The following SMCHD1 variants were observed in gnomAD, a reference collection of about 807,000 sequenced individuals.
The protein encoded by SMCHD1 is structural maintenance of chromosomes flexible hinge domain-containing protein 1.
Under a neutral mutation model 254.7 loss-of-function variants are expected in SMCHD1, and 78 were observed. The ratio of observed to expected loss-of-function variants is 0.31; its 90% CI spans 0.26 to 0.37. The LOEUF (loss-of-function observed/expected upper bound fraction) is 0.37. SMCHD1 is among the 10% of genes least tolerant of loss of function. The pLI is 1.00. For missense variants in SMCHD1, 1,840 were observed against 2,408.1 expected (o/e 0.76, Z 4.94); for synonymous variants, 766 against 794.9 (o/e 0.96, Z 0.61).
intron 41 of SMCHD1, 42 bp downstream of exon 41, chr18:2,772,414 T>C (rs1241697950): frequency 6.8e-7 from 1 of 1,463,640 alleles, no homozygotes; most frequent in Non-Finnish European, 9.0e-7. Flanking sequence ...TACATTTTAT[T>C]ATCTTGTTTG....
intron 1 of SMCHD1, among the ~76,000 whole-genome samples, chr18:2,662,829 A>T (rs1006945346): frequency 1.9e-4 from 29 of 152,222 alleles, no homozygotes; most frequent in African/African-American, 4.3e-4. Flanking sequence ...GTTTATGTTC[A>T]TGGCTTTATT....
At chr18:2,727,713 T>C (rs2075052976) in intron 22 of SMCHD1, among the ~76,000 whole-genome samples, 1 of 152,080 alleles carries the variant, frequency 6.6e-6, no homozygotes, top group African/African-American at 2.4e-5. Flanking sequence ...ATGATAATAG[T>C]AACGTCTTCA....
chr18:2,757,113 A>G (rs2075696278), intron 34 of SMCHD1, among the ~76,000 whole-genome samples: 2 of 152,204 alleles, frequency 1.3e-5, no homozygotes, highest in Admixed American at 1.3e-4. Flanking sequence ...GTATATGTGT[A>G]TATGTATGTA....
chr18:2,768,460 A>G (rs1054854936), intron 37 of SMCHD1, among the ~76,000 whole-genome samples: 2 of 152,064 alleles, frequency 1.3e-5, no homozygotes, highest in African/African-American at 4.8e-5. Flanking sequence ...CTTACCTTTT[A>G]AAATAAACTT....
At chr18:2,782,177 G>A (rs1387710848) in intron 44 of SMCHD1, among the ~76,000 whole-genome samples, 2 of 152,110 alleles carry the variant, frequency 1.3e-5, no homozygotes, top group African/African-American at 4.8e-5. Flanking sequence ...ACATTCCTTG[G>A]TAACACTGTT....
At chr18:2,794,357 T>TTTGCCTGTAATCCGAGCTA (rs1034789482) in intron 45 of SMCHD1, among the ~76,000 whole-genome samples, 1 of 152,044 alleles carries the variant, frequency 6.6e-6, no homozygotes, top group Non-Finnish European at 1.5e-5. Flanking sequence ...TGCTGGCCAA[T>TTTGCCTGTAATCCGAGCTA]TTGCCTGTAA....
At chr18:2,772,207 A>G in intron 40 of SMCHD1, 43 bp from the exon 41 acceptor site, 1 of 1,479,220 alleles carries the variant, frequency 6.8e-7, no homozygotes. Flanking sequence ...GCCTGGTTCA[A>G]GAGTAATTGG....
chr18:2,675,808 C>A (rs1335999904), intron 5 of SMCHD1, among the ~76,000 whole-genome samples: 1 of 152,190 alleles, frequency 6.6e-6, no homozygotes, highest in African/African-American at 2.4e-5. Context: ...TAACTGAATT[C>A]ATGGGACATT....
chr18:2,680,452 A>C lies in SMCHD1; in HGVS notation c.638+6307A>C, dbSNP rs542763401. The stretch of plus-strand genomic sequence containing the variant: ...TCAGCTAGTGATCAAACATTATCTT[A>C]AGTGCCTTGAACCACTAAGTCTCCC... On this transcript the variant is annotated intron_variant, in intron 5 of 47. Transcript: ENST00000320876. 6.6e-5 allele frequency among the ~76,000 whole-genome samples: 10 copies of C among 152,260 alleles called. No individual in the cohort carries two copies. In the East Asian group the frequency reaches 1.9e-3, roughly 29 times the overall value.
rs1410837195 is a variant in SMCHD1 at position 2,688,523 on chromosome 18, T to A, written c.753+15T>A. On this transcript the variant is annotated intron_variant, in intron 6 of 47. Transcript: ENST00000320876. ...AATCAGCCAGAGTAAGTAAAAAGAT[T>A]TCTTATAAATGAAAGTTGATCAAAA... The A allele has an allele frequency of 6.2e-7, 1 of 1,605,174 alleles. No individual in the cohort carries two copies. The highest frequency in any genetic ancestry group is 8.5e-7 in the Non-Finnish European group (1 of 1,172,618).
intron 45 of SMCHD1, among the ~76,000 whole-genome samples, chr18:2,795,337 G>A (rs550158591): frequency 7.9e-5 from 12 of 152,210 alleles, no homozygotes; most frequent in Non-Finnish European, 1.6e-4. Context: ...GGGATTACAG[G>A]CGTGAACTGC....
In SMCHD1 at chr18:2,667,032, G is replaced by A. The variant is rs1555625396; in HGVS notation, c.424+1G>A. On this transcript the variant is annotated splice_donor_variant, in intron 3 of 47. Transcript: ENST00000320876. LOFTEE classifies it high-confidence loss of function. Reference sequence around the variant, plus strand: ...GCCAGTGAAGGACAAAATCCTTTGCGTAAGTATCCCATTCATACTAATTTT... The same window carrying A: ...GCCAGTGAAGGACAAAATCCTTTGCATAAGTATCCCATTCATACTAATTTT... 3 of 1,566,258 alleles carry A rather than the reference G, an allele frequency of 1.9e-6. No homozygotes were observed. Among genetic ancestry groups the A allele is most frequent in the Non-Finnish European group, 2.6e-6 (3 of 1,152,384 alleles).
intron 21 of SMCHD1, among the ~76,000 whole-genome samples, chr18:2,725,894 TAG>T (rs1241846042): frequency 1.5e-4 from 23 of 151,902 alleles, no homozygotes; most frequent in African/African-American, 5.3e-4. Context: ...GAAGATAGTA[TAG>T]AGAGGTTACA....
Position 2,739,287 on chromosome 18 carries a change from A to G in SMCHD1, c.3426-145A>G, listed in dbSNP as rs2075305304. On this transcript the variant is annotated intron_variant, in intron 26 of 47. Coordinates refer to ENST00000320876, the MANE Select transcript of SMCHD1 (RefSeq NM_015295.3). ...TTTTCTTTTGGATTAATAGCAGATT[A>G]TATAAATTAAACAGTTATTTGAAGG... The G allele has an allele frequency of 2.1e-5, 14 of 655,826 alleles. No individual in the cohort carries two copies. In the South Asian group the frequency reaches 2.2e-4, roughly 10 times the overall value. 40.6% of individuals were successfully genotyped at this position (655,826 alleles called of 1,614,324 possible).
intron 17 of SMCHD1, among the ~76,000 whole-genome samples, chr18:2,709,057 G>A (rs933808782): frequency 6.7e-6 from 1 of 148,426 alleles, no homozygotes; most frequent in Admixed American, 6.7e-5. Flanking sequence ...CCCTGCCCTG[G>A]TAACTACTTT....
chr18:2,708,009 G>T, intron 17 of SMCHD1, 89 bp downstream of exon 17: 9 of 766,598 alleles, frequency 1.2e-5, no homozygotes, highest in Non-Finnish European at 1.8e-5. Flanking sequence ...TGATGACCTA[G>T]CAATCTGATA....
At chr18:2,712,056 C>T (rs2074689394) in intron 17 of SMCHD1, among the ~76,000 whole-genome samples, 1 of 152,160 alleles carries the variant, frequency 6.6e-6, no homozygotes, top group South Asian at 2.1e-4. Flanking sequence ...GAACTGTGAA[C>T]CAAATAAACA....
At chr18:2,716,414 T>G (rs1226508568) in intron 17 of SMCHD1, among the ~76,000 whole-genome samples, 1 of 152,230 alleles carries the variant, frequency 6.6e-6, no homozygotes, top group African/African-American at 2.4e-5. Flanking sequence ...TGGATGCAGC[T>G]GTTGTGGTAG....
Position 2,750,656 on chromosome 18 carries a change from G to A in SMCHD1, c.4165+149G>A, listed in dbSNP as rs116167440. ...TTCAATATCATGTTGCAGATGTTAA[G>A]TCAATAGGAAATTAGTTTTTGTTTT... On this transcript the variant is annotated intron_variant, in intron 32 of 47. Coordinates refer to ENST00000320876, the MANE Select transcript of SMCHD1 (RefSeq NM_015295.3). 1.4e-3 allele frequency: 866 copies of A among 613,250 alleles called. 6 individuals carry two copies. The African/African-American group carries it at 0.015, about 11-fold the overall frequency. 38.0% of individuals were successfully genotyped at this position (613,250 alleles called of 1,614,324 possible). A position where few individuals can be genotyped will look rare whatever the true frequency, so the allele number is the denominator to read the frequency against.
Sources: gnomAD v4.1 joint callset for allele counts (sites outside exome capture counted in the v4.1 genomes callset) on GRCh38, gnomAD v4.1.1 for gene constraint, MANE v1.5 for transcripts, NCBI Gene and HGNC (gene_info 2026-07-23, HGNC 2026-07-21) for gene names.